Variants in ZNF311 observed in about 807,000 individuals in gnomAD.
The protein encoded by ZNF311 is zinc finger protein zfp31.
A neutral mutation model predicts 22.7 loss-of-function variants in ZNF311; 14 were observed. That is an observed-to-expected ratio of 0.62 (90% confidence interval 0.41 to 0.96). The LOEUF (loss-of-function observed/expected upper bound fraction) is 0.96. Ranked by LOEUF, ZNF311 falls within the 40% of genes least tolerant of loss-of-function variation. The pLI is 0.00. For synonymous variants in ZNF311, 250 were observed against 275.3 expected (o/e 0.91, Z 0.91); for missense variants, 731 against 799.0 (o/e 0.91, Z 1.03).
Position 28,995,066 on chromosome 6 carries a change from T to C in ZNF311, c.1936A>G (p.Arg646Gly), listed in dbSNP as rs1261491253. ...ACAGTCACTGGAGAGAGGGATTTCCTACTCCCATCAAGTTCATGGGTACTC... is the reference window on the plus strand; with the variant it reads ...ACAGTCACTGGAGAGAGGGATTTCCCACTCCCATCAAGTTCATGGGTACTC... ...VWSTHELDGS[R>G]KSLSPVTVSQ... Residue 646 changes from arginine to glycine, a missense_variant, in exon 7 of 7, where the codon AGG becomes GGG. Arg to Gly is a moderately radical substitution (Grantham distance 125). Transcript: ENST00000377179. This position sits in a 1 kb window ranked among gnomAD's most constrained non-coding sequence, Gnocchi z 4.7. 1 of 1,613,588 alleles carries C rather than the reference T, an allele frequency of 6.2e-7. No homozygotes were observed. Among genetic ancestry groups the C allele is most frequent in the Admixed American group, 1.7e-5 (1 of 60,022 alleles).
At chr6:28,998,211 C>T (rs376499304) in intron 6 of ZNF311, among the ~76,000 whole-genome samples, 3 of 151,036 alleles carry the variant, frequency 2.0e-5, no homozygotes, top group African/African-American at 4.9e-5. Flanking sequence ...CTGTGTCCCC[C>T]GGGTTGGAGT....
chr6:29,000,118 C>G (rs1780238900), intron 3 of ZNF311, 71 bp from the exon 4 acceptor site: 18 of 1,425,956 alleles, frequency 1.3e-5, no homozygotes, highest in Non-Finnish European at 1.6e-5. Flanking sequence ...TTCGTCTTCT[C>G]TTCCTCAAAT....
chr6:28,998,646 C>A, intron 6 of ZNF311, 88 bp downstream of exon 6: 1 of 899,316 alleles, frequency 1.1e-6, no homozygotes, highest in Non-Finnish European at 1.7e-6. Flanking sequence ...CTGGGCCCTT[C>A]GACTGGATGA....
rs772979293 is a variant in ZNF311, at chr6:28,999,945, CCT to C, written c.183+9_183+10del. 6.2e-7 allele frequency: 1 copy of C among 1,610,652 alleles called. No individual in the cohort carries two copies. Among genetic ancestry groups the C allele is most frequent in the Admixed American group, 1.7e-5 (1 of 59,562 alleles). On this transcript the variant is annotated intron_variant, in intron 4 of 6. Coordinates refer to ENST00000377179, the MANE Select transcript of ZNF311 (RefSeq NM_001382360.1). ...GTATTTTCAAGGAGGAGGAAAGGGG[CCT>C]CAGCTCACTTGGGCCTGGCTCATTA... is the stretch of plus-strand genomic sequence containing the variant.
At chr6:29,000,714 G>GA (rs1027465753) in intron 3 of ZNF311, among the ~76,000 whole-genome samples, 4 of 151,768 alleles carry the variant, frequency 2.6e-5, no homozygotes, top group Non-Finnish European at 5.9e-5. Flanking sequence ...AAATGCAAAA[G>GA]AAACTTTATA....
intron 6 of ZNF311, 54 bp from the exon 7 acceptor site, chr6:28,996,640 C>T (rs892866077): frequency 2.6e-5 from 40 of 1,521,934 alleles, no homozygotes; most frequent in Middle Eastern, 1.8e-4. Context: ...AGATGGGAGG[C>T]GTGAAGCAAT....
chr6:29,002,639 T>TC lies in ZNF311; in HGVS notation c.91+873_91+874insG, dbSNP rs759835469. 5.8e-3 allele frequency among the ~76,000 whole-genome samples: 871 copies of TC among 151,160 alleles called. 6 individuals carry two copies. Among genetic ancestry groups the TC allele is most frequent in the Non-Finnish European group, 9.8e-3 (665 of 67,698 alleles). On this transcript the variant is annotated intron_variant, in intron 3 of 6. Transcript: ENST00000377179. ...ACAGCAATTTTTTTTTTTTTTTTTT[T>TC]AGACAGAGTCTCACTCTGTTGCCCA...
In ZNF311 at chr6:28,995,549, TAC is replaced by T. The variant is rs1779379625; in HGVS notation, c.1451_1452del (p.Cys484Ter). 3 of 1,613,808 alleles carry T rather than the reference TAC, an allele frequency of 1.9e-6. No homozygotes were observed. Among genetic ancestry groups the T allele is most frequent in the African/African-American group, 1.3e-5 (1 of 74,994 alleles). ...TGCTCTCGTTCATGAGCCCTGCGCT[TAC>T]AGTTATGACGAAAGGCTTTCCCACA... ...EECGKAFRHN[C>X]KRRAHEREHT... On this transcript the variant is annotated frameshift_variant, in exon 7 of 7. Transcript: ENST00000377179. LOFTEE classifies it low-confidence loss of function (END_TRUNC). The surrounding 1 kb of genome is among the most constrained non-coding windows in gnomAD (Gnocchi z 4.7).
At chr6:28,996,672 A>C in intron 6 of ZNF311, 86 bp from the exon 7 acceptor site, 1 of 1,440,840 alleles carries the variant, frequency 6.9e-7, no homozygotes, top group Non-Finnish European at 9.2e-7. Context: ...TGAAGAGTAA[A>C]TAACTTTTCC....
chr6:28,997,940 C>A (rs1779857781), intron 6 of ZNF311, among the ~76,000 whole-genome samples: 1 of 151,998 alleles, frequency 6.6e-6, no homozygotes, highest in African/African-American at 2.4e-5. Flanking sequence ...AAGAAAACTC[C>A]CAAAAAACAG....
chr6:28,997,096 G>T (rs1027815422), intron 6 of ZNF311, among the ~76,000 whole-genome samples: 3 of 152,192 alleles, frequency 2.0e-5, no homozygotes, highest in African/African-American at 7.2e-5. Flanking sequence ...AACCAGGTCA[G>T]ATTCTCTAAT....
At chr6:28,999,660 C>T (rs755072858) in intron 4 of ZNF311, 47 bp from the exon 5 acceptor site, 2 of 1,588,696 alleles carry the variant, frequency 1.3e-6, no homozygotes, top group Non-Finnish European at 8.5e-7. Context: ...CCATAGTTTC[C>T]TCAGGAAACA....
intron 4 of ZNF311, 114 bp downstream of exon 4, chr6:28,999,842 G>A (rs1462668581): frequency 2.3e-6 from 3 of 1,293,862 alleles, no homozygotes; most frequent in East Asian, 5.0e-5. Context: ...TGTTCCTTAT[G>A]AGAGGGAGAA....
In ZNF311 at chr6:28,996,326, T is replaced by C. The variant is rs1779581003; in HGVS notation, c.676A>G (p.Lys226Glu). The C allele has an allele frequency of 2.5e-6, 4 of 1,612,912 alleles. No homozygotes were observed. Among genetic ancestry groups the C allele is most frequent in the Non-Finnish European group, 3.4e-6 (4 of 1,180,046 alleles). Reference protein sequence around the residue: ...KKGKNQKVLSKNLNPNSKHSQ... With the variant: ...KKGKNQKVLSENLNPNSKHSQ... ...TGTTTTGAGTTTGGATTCAAGTTTT[T>C]ACTAAGCACTTTCTGGTTCTTTCCT... The change falls in exon 7 of 7, where the codon AAA becomes GAA. Residue 226 changes from lysine (K) to glutamate (E), a missense_variant. By Grantham distance (56) the Lys-to-Glu change is moderately conservative. Coordinates refer to ENST00000377179, the MANE Select transcript of ZNF311 (RefSeq NM_001382360.1).
At position 28,994,888 on chromosome 6, in the gene ZNF311, C is replaced by T. The variant is rs1779241985; in HGVS notation, c.*113G>A. 8.1e-7 allele frequency: 1 copy of T among 1,227,638 alleles called. No individual in the cohort carries two copies. The highest frequency in any genetic ancestry group is 2.9e-5 in the Admixed American group (1 of 34,702). 76.0% of individuals were successfully genotyped at this position (1,227,638 alleles called of 1,614,324 possible). On this transcript the variant is annotated 3_prime_UTR_variant, in exon 7 of 7. Transcript: ENST00000377179. ...TGAATAAGAAGGTAAAGGACAATGTCTTTGGGGAATCTCACAATTAAGGGT... is the reference window on the plus strand; with the variant it reads ...TGAATAAGAAGGTAAAGGACAATGTTTTTGGGGAATCTCACAATTAAGGGT...
chr6:29,000,858 G>A (rs2041269046), intron 3 of ZNF311, among the ~76,000 whole-genome samples: 1 of 151,334 alleles, frequency 6.6e-6, no homozygotes, highest in South Asian at 2.1e-4. Flanking sequence ...CTCACTGCAA[G>A]CTCTACCTCC....
In ZNF311 at chr6:28,995,709, G is replaced by A; in HGVS notation, c.1293C>T (p.Ser431=). Residue 431 remains serine, a synonymous_variant, in exon 7 of 7, where the codon AGC becomes AGT. Transcript: ENST00000377179. This position sits in a 1 kb window ranked among gnomAD's most constrained non-coding sequence, Gnocchi z 4.7. ...CCCGAGTATGGATTCGTTTGTGTTT[G>A]CTTAGGTCTGAGCTCCGACTGAAGG... The part of the protein sequence containing the change: ...GRAFSRSSDL[S]KHKRIHTREK... The A allele has an allele frequency of 6.2e-7, 1 of 1,613,710 alleles. No homozygotes were observed. Among genetic ancestry groups the A allele is most frequent in the Non-Finnish European group, 8.5e-7 (1 of 1,180,014 alleles).
At position 29,004,025 on chromosome 6, in the gene ZNF311, C is replaced by T; in HGVS notation, c.-71G>A. 1.2e-6 allele frequency: 2 copies of T among 1,612,880 alleles called. No individual in the cohort carries two copies. The highest frequency in any genetic ancestry group is 1.7e-6 in the Non-Finnish European group (2 of 1,179,896). ...TTCTTCCTACTGGTCAGATCCAGTT[C>T]TCAAACAAGCTGTGAAGTGGCTCCA... On this transcript the variant is annotated 5_prime_UTR_variant, in exon 2 of 7. Coordinates refer to ENST00000377179, the MANE Select transcript of ZNF311 (RefSeq NM_001382360.1).
Position 28,998,774 on chromosome 6 carries a change from C to G in ZNF311, c.375G>C (p.Gln125His). The G allele has an allele frequency of 6.2e-7, 1 of 1,612,888 alleles. No homozygotes were observed. Among genetic ancestry groups the G allele is most frequent in the Non-Finnish European group, 8.5e-7 (1 of 1,179,960 alleles). The change falls in exon 6 of 7, where the codon CAG (glutamine) becomes CAC (histidine). Residue 125 changes from glutamine to histidine, a missense_variant. Coordinates refer to ENST00000377179, the MANE Select transcript of ZNF311 (RefSeq NM_001382360.1). ...HLEREVDPCV[Q>H]DPQDRESLSC... ...TTAGGGACTCCCTGTCCTGTGGATC[C>G]TGCACACAGGGGTCTACTTCTCGCT...
Sources: gnomAD v4.1 joint callset for allele counts (sites outside exome capture counted in the v4.1 genomes callset) on GRCh38, gnomAD v4.1.1 for gene constraint, Gnocchi (gnomAD v3.1) non-coding constraint, MANE v1.5 for transcripts, NCBI Gene and HGNC (gene_info 2026-07-23, HGNC 2026-07-21) for gene names.